Variants in HDAC9 observed in about 807,000 individuals in gnomAD.
The protein encoded by HDAC9 is histone deacetylase 9.
Under a neutral mutation model 139.4 loss-of-function variants are expected in HDAC9, and 41 were observed. The observed-to-expected ratio is 0.29, with a 90% confidence interval of 0.23 to 0.38. HDAC9 has a LOEUF of 0.38. Ranked by LOEUF, HDAC9 falls within the 10% of genes least tolerant of loss-of-function variation. The pLI is 1.00. For synonymous variants in HDAC9, 517 were observed against 476.2 expected (o/e 1.09, Z -1.12); for missense variants, 1,147 against 1,297.0 (o/e 0.88, Z 1.78).
chr7:18,110,737 G>C (rs1584102843), intron 1 of HDAC9, among the ~76,000 whole-genome samples: 1 of 152,322 alleles, frequency 6.6e-6, no homozygotes, highest in Admixed American at 6.5e-5. Flanking sequence ...AGTTGAGTTG[G>C]AGTGAGGAAA....
intron 19 of HDAC9, among the ~76,000 whole-genome samples, chr7:18,831,804 A>C (rs1562971672): frequency 6.6e-6 from 1 of 152,196 alleles, no homozygotes; most frequent in Non-Finnish European, 1.5e-5. Flanking sequence ...GCCAAAAAAA[A>C]AACAACAAAA....
At chr7:18,112,658 G>A (rs1310728942) in intron 1 of HDAC9, among the ~76,000 whole-genome samples, 1 of 152,134 alleles carries the variant, frequency 6.6e-6, no homozygotes, top group Non-Finnish European at 1.5e-5. Context: ...GATATTATAT[G>A]TTTTATTATT....
At chr7:18,263,043 A>T (rs1402791095) in intron 2 of HDAC9, among the ~76,000 whole-genome samples, 1 of 152,218 alleles carries the variant, frequency 6.6e-6, no homozygotes, top group East Asian at 1.9e-4. Flanking sequence ...AAATAGTCCA[A>T]TAAAAAAAGC....
chr7:18,268,261 A>C (rs1415408485), intron 2 of HDAC9, among the ~76,000 whole-genome samples: 1 of 152,256 alleles, frequency 6.6e-6, no homozygotes, highest in African/African-American at 2.4e-5. Context: ...GTCCATGTCC[A>C]TGTTTTATTG....
At chr7:18,630,583 A>C (rs1438445771) in intron 7 of HDAC9, among the ~76,000 whole-genome samples, 1 of 152,096 alleles carries the variant, frequency 6.6e-6, no homozygotes, top group Non-Finnish European at 1.5e-5. Context: ...TGCTTATCTG[A>C]AGAAAAGTGT....
chr7:18,713,104 A>C (rs1335287776), intron 12 of HDAC9, among the ~76,000 whole-genome samples: 2 of 152,236 alleles, frequency 1.3e-5, no homozygotes, highest in African/African-American at 4.8e-5. Flanking sequence ...AAGCAATGCA[A>C]GTTGTATAGC....
chr7:18,138,141 C>T (rs528574065), intron 1 of HDAC9, among the ~76,000 whole-genome samples: 154 of 152,246 alleles, frequency 1.0e-3, no homozygotes, highest in African/African-American at 3.5e-3. Context: ...TCTGTGGGAT[C>T]GGTGATGATA....
intron 16 of HDAC9, among the ~76,000 whole-genome samples, chr7:18,773,758 A>G (rs1790520539): frequency 6.6e-6 from 1 of 152,198 alleles, no homozygotes; most frequent in South Asian, 2.1e-4. Context: ...ATACAGCTAT[A>G]TTCAGGCACA....
intron 1 of HDAC9, among the ~76,000 whole-genome samples, chr7:18,330,547 T>A (rs1014610614): frequency 1.3e-5 from 2 of 151,556 alleles, no homozygotes; most frequent in African/African-American, 4.8e-5. Flanking sequence ...TTAGAATACT[T>A]CTGAAACCAC....
chr7:18,474,531 T>C (rs1428781834), intron 1 of HDAC9, among the ~76,000 whole-genome samples: 1 of 152,226 alleles, frequency 6.6e-6, no homozygotes, highest in Non-Finnish European at 1.5e-5. Context: ...ATCTTTGAAC[T>C]ATAGTTTTTT....
intron 2 of HDAC9, among the ~76,000 whole-genome samples, chr7:18,570,475 C>A (rs886427218): frequency 2.0e-5 from 3 of 152,066 alleles, no homozygotes; most frequent in African/African-American, 7.2e-5. Flanking sequence ...ATTATTTTAA[C>A]AAAAACTTTT....
chr7:18,851,629 A>G (rs79696300), intron 21 of HDAC9, among the ~76,000 whole-genome samples: 3,271 of 152,266 alleles, frequency 0.021, 121 homozygotes, highest in African/African-American at 0.075. Context: ...CCTTCCCATG[A>G]AACTGCGTTT....
intron 23 of HDAC9, among the ~76,000 whole-genome samples, chr7:18,946,731 G>T (rs547914304): frequency 6.6e-6 from 1 of 152,124 alleles, no homozygotes; most frequent in East Asian, 1.9e-4. Context: ...TTTAGTACAC[G>T]TCTCTCAGTA....
At chr7:18,219,593 A>G (rs889081552) in intron 2 of HDAC9, among the ~76,000 whole-genome samples, 5 of 152,164 alleles carry the variant, frequency 3.3e-5, no homozygotes, top group African/African-American at 4.8e-5. Context: ...TCTAGTCTGA[A>G]AAAATAATAA....
chr7:18,729,487 A>C (rs1266454485), intron 13 of HDAC9, among the ~76,000 whole-genome samples: 1 of 152,072 alleles, frequency 6.6e-6, no homozygotes, highest in Non-Finnish European at 1.5e-5. Context: ...GTTCCTTTGA[A>C]TGAATGAAGC....
chr7:18,257,324 T>C (rs923737670), intron 2 of HDAC9, among the ~76,000 whole-genome samples: 1 of 148,752 alleles, frequency 6.7e-6, no homozygotes, highest in Non-Finnish European at 1.5e-5. Flanking sequence ...ATTGCGCTAC[T>C]GCACTCCAGC....
Position 18,151,618 on chromosome 7 carries a change from C to A in HDAC9, c.-96-10611C>A, listed in dbSNP as rs556477889. Among the ~76,000 whole-genome samples the A allele has an allele frequency of 2.0e-5, 3 of 152,234 alleles. No individual in the cohort carries two copies. The South Asian group carries it at 6.2e-4, about 32-fold the overall frequency. On this transcript the variant is annotated intron_variant, in intron 1 of 12. Coordinates refer to the HDAC9 transcript ENST00000417496. ...TTGTACTGTAATCATAGTATAGTAACCCAGAGTTCCCTCTTCTGGCAGGAG... is the reference window on the plus strand; with the variant it reads ...TTGTACTGTAATCATAGTATAGTAAACCAGAGTTCCCTCTTCTGGCAGGAG...
intron 8 of HDAC9, 105 bp downstream of exon 8, chr7:18,634,847 ATGAAT>A: frequency 1.4e-6 from 1 of 706,868 alleles, no homozygotes; most frequent in South Asian, 1.9e-5. Context: ...AATGATATTT[ATGAAT>A]TGAAGTTTAC....
chr7:18,137,831 G>A (rs534862069), intron 1 of HDAC9, among the ~76,000 whole-genome samples: 1 of 152,162 alleles, frequency 6.6e-6, no homozygotes, highest in African/African-American at 2.4e-5. Context: ...AAATGAGTTA[G>A]GAAGGATTCC....
Sources: allele counts gnomAD v4.1 joint callset (sites outside exome capture counted in the v4.1 genomes callset), GRCh38; gene constraint gnomAD v4.1.1; transcripts MANE v1.5; gene names NCBI Gene and HGNC (gene_info 2026-07-23, HGNC 2026-07-21).